Variants in TUBA8 observed in about 807,000 individuals in gnomAD.
TUBA8 encodes tubulin alpha 8.
A neutral mutation model predicts 34.7 loss-of-function variants in TUBA8; 29 were observed. The observed-to-expected ratio is 0.84, with a 90% confidence interval of 0.62 to 1.14. The LOEUF (loss-of-function observed/expected upper bound fraction) is 1.14, where lower values mean the gene tolerates loss of function less well. TUBA8 is among the 50% of genes most tolerant of loss of function. TUBA8 has a pLI of 0.00. For synonymous variants in TUBA8, 226 were observed against 231.2 expected (o/e 0.98, Z 0.21); for missense variants, 541 against 599.2 (o/e 0.90, Z 1.01).
chr22:18,129,329 G>A (rs894097637), intron 4 of TUBA8: 8 of 152,178 alleles, frequency 5.3e-5, no homozygotes, highest in African/African-American at 1.9e-4. Context: ...CAGAAGCTCT[G>A]GAGTTATGTC....
rs1569202560 is a variant in TUBA8, at chr22:18,131,164, CTT to C, written c.*30_*31del. On this transcript the variant is annotated 3_prime_UTR_variant, in exon 5 of 5. Transcript: ENST00000330423. The surrounding 1 kb of genome is among the most constrained non-coding windows in gnomAD (Gnocchi z 5.3). ...ATATACCTTCCCCTTGGCTGTGTCT[CTT>C]TATTTATGCTGTGCCATTCAAAGCA... The C allele has an allele frequency of 1.2e-6, 2 of 1,605,104 alleles. No homozygotes were observed. The highest frequency in any genetic ancestry group is 1.7e-6 in the Non-Finnish European group (2 of 1,173,286).
At chr22:18,115,187 T>C (rs1395194432) in intron 1 of TUBA8, 2 of 152,302 alleles carry the variant, frequency 1.3e-5, no homozygotes, top group African/African-American at 4.8e-5. Context: ...CCGGACAGAC[T>C]GGGCAGTGTG....
chr22:18,117,825 A>C (rs2123696173), intron 1 of TUBA8: 1 of 151,946 alleles, frequency 6.6e-6, no homozygotes, highest in South Asian at 2.1e-4. Flanking sequence ...AGAAAAAAAA[A>C]GGCTGGACCA....
Position 18,126,874 on chromosome 22 carries a change from A to G in TUBA8, c.896A>G (p.Asn299Ser), listed in dbSNP as rs1569201060. Residue 299 changes from asparagine (N) to serine (S), a missense_variant, in exon 4 of 5, where the codon AAC becomes AGC. Physicochemically the swap from Asn to Ser is conservative, Grantham distance 46. Coordinates refer to ENST00000330423, the MANE Select transcript of TUBA8 (RefSeq NM_018943.3). The surrounding 1 kb of genome is among the most constrained non-coding windows in gnomAD (Gnocchi z 4.0). ...ATAACCAGCTCCTGCTTTGAGCCCAACAGCCAGATGGTGAAGTGCGACCCG... is the reference window on the plus strand; with the variant it reads ...ATAACCAGCTCCTGCTTTGAGCCCAGCAGCCAGATGGTGAAGTGCGACCCG... ...AEITSSCFEP[N>S]SQMVKCDPRH... The G allele has an allele frequency of 3.1e-6, 5 of 1,612,002 alleles. No homozygotes were observed. Among genetic ancestry groups the G allele is most frequent in the African/African-American group, 1.3e-5 (1 of 74,998 alleles).
Position 18,110,890 on chromosome 22 carries a change from C to T in TUBA8, c.3+22C>T. ...GATGGTGAGGCTTCCCGGGGCCAGG[C>T]GGGCTGCGGGCGCGCGGCAGGCGTA... is the stretch of plus-strand genomic sequence containing the variant. On this transcript the variant is annotated intron_variant, in intron 1 of 4. Coordinates refer to ENST00000330423, the MANE Select transcript of TUBA8 (RefSeq NM_018943.3). The surrounding 1 kb of genome is among the most constrained non-coding windows in gnomAD (Gnocchi z 6.2). The T allele has an allele frequency of 6.5e-7, 1 of 1,545,118 alleles. No homozygotes were observed. The highest frequency in any genetic ancestry group is 8.7e-7 in the Non-Finnish European group (1 of 1,152,266).
chr22:18,126,295 T>C lies in TUBA8; in HGVS notation c.376-59T>C, dbSNP rs1928313871. The C allele has an allele frequency of 1.3e-6, 2 of 1,558,714 alleles. No homozygotes were observed. The highest frequency in any genetic ancestry group is 1.1e-5 in the South Asian group (1 of 89,766). On this transcript the variant is annotated intron_variant, in intron 3 of 4. Transcript: ENST00000330423. This position sits in a 1 kb window ranked among gnomAD's most constrained non-coding sequence, Gnocchi z 4.0. ...AGAGTGGGCGGTCTGGCTTTTTTACTGTGGGGTGTTCTCGGAAACTTGTCT... is the reference window on the plus strand; with the variant it reads ...AGAGTGGGCGGTCTGGCTTTTTTACCGTGGGGTGTTCTCGGAAACTTGTCT...
chr22:18,122,756 A>T (rs1489043699), intron 2 of TUBA8: 1 of 152,182 alleles, frequency 6.6e-6, no homozygotes, highest in Non-Finnish European at 1.5e-5. Context: ...TGGGCAGATC[A>T]TCCTGAATCT....
rs1244535175 is a variant in TUBA8, at chr22:18,131,425, G to C, written c.*289G>C. ...CACATGCGAGGAGGCCTAATCAGGA[G>C]TTTCAATTCCAGATCGGGCTGGGTC... On this transcript the variant is annotated 3_prime_UTR_variant, in exon 5 of 5. Coordinates refer to ENST00000330423, the MANE Select transcript of TUBA8 (RefSeq NM_018943.3). This position sits in a 1 kb window ranked among gnomAD's most constrained non-coding sequence, Gnocchi z 5.3. The C allele has an allele frequency of 2.4e-6, 1 of 420,672 alleles. No homozygotes were observed. The highest frequency in any genetic ancestry group is 4.4e-6 in the Non-Finnish European group (1 of 226,486). The allele number at this position is 420,672 out of a possible 1,614,324, so 26.1% of individuals were successfully genotyped here. A position where few individuals can be genotyped will look rare whatever the true frequency, so the allele number is the denominator to read the frequency against.
chr22:18,130,897 G>T lies in TUBA8; in HGVS notation c.1111G>T (p.Val371Leu). Residue 371 changes from valine to leucine, a missense_variant, in exon 5 of 5, where the codon GTG becomes TTG. Val to Leu is a conservative substitution (Grantham distance 32). Coordinates refer to ENST00000330423, the MANE Select transcript of TUBA8 (RefSeq NM_018943.3). Reference protein sequence around the residue: ...TVVPGGDLAKVQRAVCMLSNT... With the variant: ...TVVPGGDLAKLQRAVCMLSNT... ...GGTCCCCGGGGGAGACCTGGCCAAGGTGCAGCGGGCCGTCTGCATGCTCAG... is the reference window on the plus strand; with the variant it reads ...GGTCCCCGGGGGAGACCTGGCCAAGTTGCAGCGGGCCGTCTGCATGCTCAG... 6.2e-7 allele frequency: 1 copy of T among 1,614,148 alleles called. No homozygotes were observed. The highest frequency in any genetic ancestry group is 8.5e-7 in the Non-Finnish European group (1 of 1,180,036).
intron 1 of TUBA8, chr22:18,112,177 C>A (rs1050467124): frequency 6.6e-6 from 1 of 152,030 alleles, no homozygotes; most frequent in Non-Finnish European, 1.5e-5. Flanking sequence ...GTTTTACCTG[C>A]GAAATGAAGA....
intron 2 of TUBA8, 191 bp from the exon 3 acceptor site, chr22:18,123,965 T>G (rs1928237688): frequency 3.0e-6 from 2 of 670,860 alleles, no homozygotes; most frequent in Admixed American, 2.2e-5. Context: ...CCACAGGCCT[T>G]GGCTCTGTTA....
chr22:18,130,678 C>A (rs1928468953), intron 4 of TUBA8, 165 bp from the exon 5 acceptor site: 2 of 823,626 alleles, frequency 2.4e-6, no homozygotes, highest in Non-Finnish European at 3.9e-6. Flanking sequence ...TTGCCACCTG[C>A]TGGCTTCCCC....
In TUBA8 at chr22:18,130,891, G is replaced by A. The variant is rs1428798543; in HGVS notation, c.1105G>A (p.Ala369Thr). ...PPTVVPGGDL[A>T]KVQRAVCMLS... ...GACCGTGGTCCCCGGGGGAGACCTG[G>A]CCAAGGTGCAGCGGGCCGTCTGCAT... is the stretch of plus-strand genomic sequence containing the variant. Residue 369 changes from alanine (A) to threonine (T), a missense_variant, in exon 5 of 5, where the codon GCC (alanine) becomes ACC (threonine). Transcript: ENST00000330423. 2 of 1,614,122 alleles carry A rather than the reference G, an allele frequency of 1.2e-6. No individual in the cohort carries two copies. Among genetic ancestry groups the A allele is most frequent in the Middle Eastern group, 1.7e-4 (1 of 6,024 alleles).
chr22:18,110,881 G>A lies in TUBA8; in HGVS notation c.3+13G>A, dbSNP rs762451394. On this transcript the variant is annotated intron_variant, in intron 1 of 4. Transcript: ENST00000330423. This position sits in a 1 kb window ranked among gnomAD's most constrained non-coding sequence, Gnocchi z 6.2. ...AGCGGCAGCGATGGTGAGGCTTCCC[G>A]GGGCCAGGCGGGCTGCGGGCGCGCG... The A allele has an allele frequency of 6.5e-7, 1 of 1,546,668 alleles. No individual in the cohort carries two copies. Among genetic ancestry groups the A allele is most frequent in the South Asian group, 1.2e-5 (1 of 84,802 alleles).
chr22:18,111,064 A>G lies in TUBA8; in HGVS notation c.3+196A>G. The G allele has an allele frequency of 2.6e-6, 2 of 759,394 alleles. No individual in the cohort carries two copies. The highest frequency in any genetic ancestry group is 1.7e-5 in the South Asian group (1 of 58,868). The allele number at this position is 759,394 out of a possible 1,614,324, so 47.0% of individuals were successfully genotyped here. The stretch of plus-strand genomic sequence containing the variant: ...GTGCCCTTTATCGTATGGGGGAAAT[A>G]GAGACCAGGGGCCAGTTGTTCCTTA... On this transcript the variant is annotated intron_variant, in intron 1 of 4. Transcript: ENST00000330423. The surrounding 1 kb of genome is among the most constrained non-coding windows in gnomAD (Gnocchi z 5.1).
Position 18,126,794 on chromosome 22 carries a change from C to A in TUBA8, c.816C>A (p.Tyr272Ter), listed in dbSNP as rs2234332. ...YPRIHFPLVT[Y>*]APIISAEKAY... is the part of the protein sequence containing the mutation. ...GCATCCACTTCCCGCTGGTCACCTACGCGCCCATCATCTCTGCCGAGAAAG... is the reference window on the plus strand; with the variant it reads ...GCATCCACTTCCCGCTGGTCACCTAAGCGCCCATCATCTCTGCCGAGAAAG... The change falls in exon 4 of 5, where the codon TAC becomes TAA. Residue 272 changes from tyrosine (Y) to a stop codon, truncating the protein, a stop_gained. Transcript: ENST00000330423. LOFTEE classifies it high-confidence loss of function. This position sits in a 1 kb window ranked among gnomAD's most constrained non-coding sequence, Gnocchi z 4.0. 6.2e-7 allele frequency: 1 copy of A among 1,614,040 alleles called. No individual in the cohort carries two copies. The highest frequency in any genetic ancestry group is 1.1e-5 in the South Asian group (1 of 91,078).
chr22:18,123,140 T>G (rs562846239), intron 2 of TUBA8: 43 of 140,136 alleles, frequency 3.1e-4, no homozygotes, highest in African/African-American at 1.1e-3. Flanking sequence ...AAAAAAAAAT[T>G]GTTGGTACAC....
chr22:18,112,089 A>G (rs1002570549), intron 1 of TUBA8: 2 of 152,202 alleles, frequency 1.3e-5, no homozygotes, highest in Non-Finnish European at 2.9e-5. Context: ...CGGAGCTGCC[A>G]GTTCAGAATT....
Position 18,111,090 on chromosome 22 carries a change from A to C in TUBA8, c.3+222A>C. 2 of 638,228 alleles carry C rather than the reference A, an allele frequency of 3.1e-6. No individual in the cohort carries two copies. Among genetic ancestry groups the C allele is most frequent in the Non-Finnish European group, 5.4e-6 (2 of 372,874 alleles). 39.5% of individuals were successfully genotyped at this position (638,228 alleles called of 1,614,324 possible). A position where few individuals can be genotyped will look rare whatever the true frequency, so the allele number is the denominator to read the frequency against. Reference sequence around the variant, plus strand: ...GAGACCAGGGGCCAGTTGTTCCTTAAAGGGACCTAAGGGAGCTTTGCGTGC... The same window carrying C: ...GAGACCAGGGGCCAGTTGTTCCTTACAGGGACCTAAGGGAGCTTTGCGTGC... On this transcript the variant is annotated intron_variant, in intron 1 of 4. Coordinates refer to ENST00000330423, the MANE Select transcript of TUBA8 (RefSeq NM_018943.3). The surrounding 1 kb of genome is among the most constrained non-coding windows in gnomAD (Gnocchi z 5.1).
Sources: allele counts gnomAD v4.1 joint callset, GRCh38; gene constraint gnomAD v4.1.1; non-coding constraint Gnocchi (gnomAD v3.1); transcripts MANE v1.5; gene names NCBI Gene and HGNC (gene_info 2026-07-23, HGNC 2026-07-21).